Variants in PECAM1 observed in about 807,000 individuals in gnomAD.
The protein encoded by PECAM1 is platelet and endothelial cell adhesion molecule 1, also known as platelet endothelial cell adhesion molecule.
PECAM1 carries 8 observed loss-of-function variants against 13.8 expected under a neutral mutation model. The ratio of observed to expected loss-of-function variants is 0.58; its 90% CI spans 0.34 to 1.05. The LOEUF (loss-of-function observed/expected upper bound fraction) is 1.05. Ranked by LOEUF, PECAM1 falls within the 50% of genes least tolerant of loss-of-function variation. The probability of loss-of-function intolerance (pLI) is 0.03; values close to 1 mark genes in which losing one functional copy is unlikely to be tolerated. For synonymous variants in PECAM1, 136 were observed against 52.6 expected (o/e 2.58, Z -6.86); for missense variants, 304 against 141.2 (o/e 2.15, Z -5.84).
rs1339215595 is a variant in PECAM1 at position 64,323,379 on chromosome 17, AG to A, written c.*436del. On this transcript the variant is annotated 3_prime_UTR_variant, in exon 16 of 16. Transcript: ENST00000563924. ...AAACTACAAGCCTTTGAAGGACCAA[AG>A]GAAAAGAGAAAAAACCAGCCTCTAA... 1.8e-5 allele frequency: 20 copies of A among 1,100,152 alleles called. No homozygotes were observed. In the African/African-American group the frequency reaches 3.2e-4, roughly 17 times the overall value. 68.1% of individuals were successfully genotyped at this position (1,100,152 alleles called of 1,614,324 possible).
intron 14 of PECAM1, among the ~76,000 whole-genome samples, chr17:64,329,992 C>T (rs1295733749): frequency 6.6e-6 from 1 of 151,888 alleles, no homozygotes; most frequent in Non-Finnish European, 1.5e-5. Flanking sequence ...CAGAGTCTCG[C>T]TTTGTCACTC....
Position 64,321,365 on chromosome 17 carries a change from G to C in PECAM1, c.*2451C>G. 1.1e-6 allele frequency: 1 copy of C among 925,756 alleles called. No individual in the cohort carries two copies. The highest frequency in any genetic ancestry group is 1.8e-5 in the African/African-American group (1 of 56,160). 57.3% of individuals were successfully genotyped at this position (925,756 alleles called of 1,614,324 possible). A position where few individuals can be genotyped will look rare whatever the true frequency, so the allele number is the denominator to read the frequency against. On this transcript the variant is annotated 3_prime_UTR_variant, in exon 16 of 16. Coordinates refer to ENST00000563924, the MANE Select transcript of PECAM1 (RefSeq NM_000442.5). The stretch of plus-strand genomic sequence containing the variant: ...GGCTAAAGCCAGCGTCCTGGATTCA[G>C]ACAGACCTTTTAGCCATTAAATCCA...
intron 14 of PECAM1, among the ~76,000 whole-genome samples, chr17:64,336,107 T>C (rs1434276150): frequency 6.6e-6 from 1 of 150,948 alleles, no homozygotes; most frequent in Non-Finnish European, 1.5e-5. Context: ...CTACTAAAAA[T>C]ACAAAAAAAA....
chr17:64,356,677 A>G (rs1207239885), intron 7 of PECAM1, among the ~76,000 whole-genome samples: 1 of 152,008 alleles, frequency 6.6e-6, no homozygotes, highest in East Asian at 1.9e-4. Context: ...GTTGTTTTAG[A>G]GACGGGGTTT....
rs1288911093 is a variant in PECAM1 at position 64,351,345 on chromosome 17, AG to A, written c.1991-913del. Among the ~76,000 whole-genome samples, 44 of 152,344 alleles carry A rather than the reference AG, an allele frequency of 2.9e-4. No individual in the cohort carries two copies. The East Asian group carries it at 8.3e-3, about 29-fold the overall frequency. ...TCAAGCAAAATATGTCTCTGTAAAA[AG>A]TATATCCTAAAAATTTCTTATTTTG... On this transcript the variant is annotated intron_variant, in intron 11 of 15. Transcript: ENST00000563924.
intron 14 of PECAM1, among the ~76,000 whole-genome samples, chr17:64,332,466 A>G (rs2035151359): frequency 6.6e-6 from 1 of 152,250 alleles, no homozygotes; most frequent in Non-Finnish European, 1.5e-5. Flanking sequence ...CTCCATGCAC[A>G]CTTGCAGTTC....
In PECAM1 at chr17:64,323,240, G is replaced by T; in HGVS notation, c.*576C>A. On this transcript the variant is annotated 3_prime_UTR_variant, in exon 16 of 16. Transcript: ENST00000563924. ...GGTGTCTTCAGGTTGGTATTTCACA[G>T]GCGGTGCTCCCAAGTAGTCTGGTTT... is the stretch of plus-strand genomic sequence containing the variant. 1 of 991,334 alleles carries T rather than the reference G, an allele frequency of 1.0e-6. No individual in the cohort carries two copies. Among genetic ancestry groups the T allele is most frequent in the Non-Finnish European group, 1.2e-6 (1 of 833,516 alleles). 61.4% of individuals were successfully genotyped at this position (991,334 alleles called of 1,614,324 possible).
intron 2 of PECAM1, among the ~76,000 whole-genome samples, chr17:64,383,597 T>A (rs2036529650): frequency 6.6e-6 from 1 of 152,182 alleles, no homozygotes; most frequent in South Asian, 2.1e-4. Context: ...CATTCTGCAC[T>A]CCACAACTCT....
At position 64,323,133 on chromosome 17, in the gene PECAM1, A is replaced by G. The variant is rs1555644798; in HGVS notation, c.*683T>C. 1 of 985,570 alleles carries G rather than the reference A, an allele frequency of 1.0e-6. No individual in the cohort carries two copies. The highest frequency in any genetic ancestry group is 4.7e-5 in the South Asian group (1 of 21,304). The allele number at this position is 985,570 out of a possible 1,614,324, so 61.1% of individuals were successfully genotyped here. On this transcript the variant is annotated 3_prime_UTR_variant, in exon 16 of 16. Transcript: ENST00000563924. ...CCTTCAGCATGGTAGAGGAAAAGAG[A>G]AAGAGTGTAGACAAAAACAGTTGAA...
In PECAM1 at chr17:64,323,650, T is replaced by C; in HGVS notation, c.*166A>G. 1.3e-6 allele frequency: 2 copies of C among 1,484,642 alleles called. No homozygotes were observed. The highest frequency in any genetic ancestry group is 1.4e-5 in the South Asian group (1 of 74,044). 92.0% of individuals were successfully genotyped at this position (1,484,642 alleles called of 1,614,324 possible). A position where few individuals can be genotyped will look rare whatever the true frequency, so the allele number is the denominator to read the frequency against. Reference sequence around the variant, plus strand: ...TATCTCTTTCTACCCAACATTAACTTAGCAGGATGGATTTAAGAACCGGCA... The same window carrying C: ...TATCTCTTTCTACCCAACATTAACTCAGCAGGATGGATTTAAGAACCGGCA... On this transcript the variant is annotated 3_prime_UTR_variant, in exon 16 of 16. Coordinates refer to ENST00000563924, the MANE Select transcript of PECAM1 (RefSeq NM_000442.5).
At chr17:64,354,654 TG>T (rs1275043168) in intron 9 of PECAM1, among the ~76,000 whole-genome samples, 1 of 152,170 alleles carries the variant, frequency 6.6e-6, no homozygotes, top group Non-Finnish European at 1.5e-5. Context: ...GTGCAACATG[TG>T]GGTGTTATGC....
Position 64,322,132 on chromosome 17 carries a change from T to C in PECAM1, c.*1684A>G. 1 of 1,034,820 alleles carries C rather than the reference T, an allele frequency of 9.7e-7. No individual in the cohort carries two copies. Among genetic ancestry groups the C allele is most frequent in the Non-Finnish European group, 1.2e-6 (1 of 839,126 alleles). 64.1% of individuals were successfully genotyped at this position (1,034,820 alleles called of 1,614,324 possible). A position where few individuals can be genotyped will look rare whatever the true frequency, so the allele number is the denominator to read the frequency against. On this transcript the variant is annotated 3_prime_UTR_variant, in exon 16 of 16. Coordinates refer to ENST00000563924, the MANE Select transcript of PECAM1 (RefSeq NM_000442.5). ...CGCCTGCAATCCCAACCCAAAGGCC[T>C]GTGGAGCACACATGAGGACAAGGCG...
In PECAM1 at chr17:64,383,289, A is replaced by G. The variant is rs1039003114; in HGVS notation, c.92-5172T>C. On this transcript the variant is annotated intron_variant, in intron 2 of 15. Transcript: ENST00000563924. ...TGATCCCACAGTGCTTAGCTGGGTG[A>G]TCTCGGGAGTTATTTAACCTCTCTG... 3.9e-5 allele frequency among the ~76,000 whole-genome samples: 6 copies of G among 152,174 alleles called. No individual in the cohort carries two copies. The East Asian group carries it at 1.2e-3, about 30-fold the overall frequency.
intron 5 of PECAM1, among the ~76,000 whole-genome samples, chr17:64,367,010 A>G (rs1401282131): frequency 6.6e-6 from 1 of 150,912 alleles, no homozygotes; most frequent in African/African-American, 2.4e-5. Flanking sequence ...CCATTTCAAA[A>G]AAAAAAAAAA....
At position 64,323,124 on chromosome 17, in the gene PECAM1, G is replaced by C; in HGVS notation, c.*692C>G. On this transcript the variant is annotated 3_prime_UTR_variant, in exon 16 of 16. Transcript: ENST00000563924. ...GTCTTTCAGCCTTCAGCATGGTAGA[G>C]GAAAAGAGAAAGAGTGTAGACAAAA... 2 of 985,520 alleles carry C rather than the reference G, an allele frequency of 2.0e-6. No individual in the cohort carries two copies. The highest frequency in any genetic ancestry group is 1.2e-6 in the Non-Finnish European group (1 of 829,968). 61.0% of individuals were successfully genotyped at this position (985,520 alleles called of 1,614,324 possible).
At chr17:64,384,823 G>C (rs2036558612) in intron 2 of PECAM1, among the ~76,000 whole-genome samples, 1 of 152,222 alleles carries the variant, frequency 6.6e-6, no homozygotes, top group South Asian at 2.1e-4. Flanking sequence ...TAGGTAAATT[G>C]TTATGCAGCA....
chr17:64,390,648 G>T lies in PECAM1; in HGVS notation c.18C>A (p.Ala6=). 2.1e-6 allele frequency: 1 copy of T among 469,428 alleles called. No individual in the cohort carries two copies. Among genetic ancestry groups the T allele is most frequent in the South Asian group, 7.2e-5 (1 of 13,874 alleles). 29.1% of individuals were successfully genotyped at this position (469,428 alleles called of 1,614,324 possible). A position where few individuals can be genotyped will look rare whatever the true frequency, so the allele number is the denominator to read the frequency against. Residue 6 remains alanine (A), a synonymous_variant, in exon 1 of 16, where the codon GCC becomes GCA. Coordinates refer to ENST00000563924, the MANE Select transcript of PECAM1 (RefSeq NM_000442.5). The part of the protein sequence containing the change: MQPRW[A]QGATMWLGVL... ...CTCCAAGCCACATCGTGGCCCCTTG[G>T]GCCCACCTCGGCTGCATCCTGAGAG...
At chr17:64,340,122 A>G (rs2035388447) in intron 14 of PECAM1, among the ~76,000 whole-genome samples, 3 of 152,202 alleles carry the variant, frequency 2.0e-5, no homozygotes, top group Non-Finnish European at 4.4e-5. Context: ...GCTGTACTCC[A>G]GTCTGGGTGA....
At chr17:64,387,280 C>T (rs1304423342) in intron 2 of PECAM1, among the ~76,000 whole-genome samples, 3 of 152,170 alleles carry the variant, frequency 2.0e-5, no homozygotes, top group East Asian at 3.9e-4. Flanking sequence ...ACCCAACAGC[C>T]GGAGAAGTGG....
Sources: gnomAD v4.1 joint callset for allele counts (sites outside exome capture counted in the v4.1 genomes callset) on GRCh38, gnomAD v4.1.1 for gene constraint, MANE v1.5 for transcripts, NCBI Gene and HGNC (gene_info 2026-07-23, HGNC 2026-07-21) for gene names.